The following CFAP47 variants were observed in gnomAD, a reference collection of about 807,000 sequenced individuals.
CFAP47 encodes the protein cilia- and flagella-associated protein 47.
A neutral mutation model predicts 148.1 loss-of-function variants in CFAP47; 29 were observed. The ratio of observed to expected loss-of-function variants is 0.20; its 90% CI spans 0.15 to 0.27. The LOEUF (loss-of-function observed/expected upper bound fraction) is 0.27, where lower values mean the gene tolerates loss of function less well. Ranked by LOEUF, CFAP47 falls within the 10% of genes least tolerant of loss-of-function variation. The pLI is 1.00. For synonymous variants in CFAP47, 664 were observed against 577.3 expected (o/e 1.15, Z -2.15); for missense variants, 1,872 against 1,697.5 (o/e 1.10, Z -1.81).
At chrX:36,129,213 A>C (rs770382028) in intron 33 of CFAP47, among the ~76,000 whole-genome samples, 16 of 110,831 alleles carry the variant, frequency 1.4e-4, no homozygotes, top group Non-Finnish European at 2.1e-4. Context: ...GCTTTATCTA[A>C]ATTTTTATAA....
intron 51 of CFAP47, among the ~76,000 whole-genome samples, chrX:36,288,519 T>C (rs1192843654): frequency 8.9e-6 from 1 of 112,376 alleles, no homozygotes; most frequent in Non-Finnish European, 1.9e-5. Context: ...ATTTACATTT[T>C]AAACAGCCAT....
intron 39 of CFAP47, among the ~76,000 whole-genome samples, chrX:36,175,034 G>T (rs868129742): frequency 1.6e-3 from 171 of 110,136 alleles, no homozygotes; most frequent in South Asian, 9.1e-3. Context: ...TTCCCTTCTC[G>T]CTTCATTTCA....
chrX:36,112,513 G>C (rs926722225), intron 33 of CFAP47, among the ~76,000 whole-genome samples: 3 of 111,435 alleles, frequency 2.7e-5, no homozygotes, highest in African/African-American at 9.8e-5. Context: ...AGCGTGTTTT[G>C]TGTCCAATTA....
intron 49 of CFAP47, among the ~76,000 whole-genome samples, chrX:36,270,007 G>C (rs1940939585): frequency 8.9e-6 from 1 of 111,913 alleles, no homozygotes; most frequent in Non-Finnish European, 1.9e-5. Flanking sequence ...TTTTAATGCT[G>C]AGTAGTATTT....
chrX:36,096,615 A>C (rs954164491), intron 30 of CFAP47, among the ~76,000 whole-genome samples: 1 of 110,357 alleles, frequency 9.1e-6, no homozygotes, highest in Non-Finnish European at 1.9e-5. Context: ...GTTTCTTCTT[A>C]TAGTTTTTGT....
chrX:36,194,757 G>A lies in CFAP47; in HGVS notation c.6321+4561G>A, dbSNP rs782686895. The stretch of plus-strand genomic sequence containing the variant: ...AGAACTCTATCATGAGACAGCACTA[G>A]AGGAATGGTTCCAAACCATTAGAAA... On this transcript the variant is annotated intron_variant, in intron 42 of 63. Transcript: ENST00000378653. Among the ~76,000 whole-genome samples the A allele has an allele frequency of 6.3e-5, 7 of 111,610 alleles. No individual in the cohort carries two copies. In the South Asian group the frequency reaches 2.6e-3, roughly 42 times the overall value.
chrX:36,068,873 T>A (rs1353925532), intron 27 of CFAP47, among the ~76,000 whole-genome samples: 3 of 107,911 alleles, frequency 2.8e-5, no homozygotes, highest in African/African-American at 1.0e-4. Flanking sequence ...GGAGAATCAC[T>A]TGAACCGAGG....
chrX:36,340,293 T>C (rs1941641686), intron 57 of CFAP47, among the ~76,000 whole-genome samples: 1 of 111,730 alleles, frequency 9.0e-6, no homozygotes, highest in Non-Finnish European at 1.9e-5. Context: ...GGAGTTAGAA[T>C]CTCTGTAAGG....
chrX:36,263,777 G>T (rs1047539277), intron 49 of CFAP47, among the ~76,000 whole-genome samples: 1 of 111,585 alleles, frequency 9.0e-6, no homozygotes, highest in Admixed American at 9.4e-5. Context: ...GGCCATGCTG[G>T]TACCTAAGGT....
chrX:35,933,073 A>G (rs1423145245), intron 2 of CFAP47, among the ~76,000 whole-genome samples: 1 of 112,304 alleles, frequency 8.9e-6, no homozygotes, highest in African/African-American at 3.2e-5. Context: ...CAAATAATTC[A>G]GTTACAGTCT....
chrX:36,161,990 C>A (rs1939437022), intron 39 of CFAP47, among the ~76,000 whole-genome samples: 1 of 111,904 alleles, frequency 8.9e-6, no homozygotes, highest in Admixed American at 9.5e-5. Context: ...AAAGTATGCC[C>A]TTAAGTAGAC....
At chrX:36,368,704 C>T (rs1270136390) in intron 62 of CFAP47, among the ~76,000 whole-genome samples, 1 of 111,314 alleles carries the variant, frequency 9.0e-6, no homozygotes, top group Non-Finnish European at 1.9e-5. Context: ...ATTTTTGTTC[C>T]TCCAAGCTTC....
intron 22 of CFAP47, among the ~76,000 whole-genome samples, chrX:36,025,390 T>G (rs1215601121): frequency 9.0e-6 from 1 of 110,717 alleles, no homozygotes; most frequent in Non-Finnish European, 1.9e-5. Flanking sequence ...TCCTAGCACT[T>G]TGGGAGGCTA....
intron 56 of CFAP47, among the ~76,000 whole-genome samples, chrX:36,312,802 C>T (rs1412148572): frequency 9.0e-6 from 1 of 111,601 alleles, no homozygotes; most frequent in Non-Finnish European, 1.9e-5. Flanking sequence ...AACTCACTTG[C>T]TCTTGGGCAA....
chrX:35,967,089 A>G (rs1936418567), intron 9 of CFAP47, among the ~76,000 whole-genome samples: 1 of 111,276 alleles, frequency 9.0e-6, no homozygotes, highest in African/African-American at 3.3e-5. Context: ...CAATGTTCCC[A>G]GTAGATGCTG....
intron 15 of CFAP47, among the ~76,000 whole-genome samples, chrX:35,980,830 C>T (rs1383014988): frequency 9.0e-6 from 1 of 110,613 alleles, no homozygotes; most frequent in Admixed American, 9.8e-5. Context: ...TAGCTTCACC[C>T]TCCTCCTATG....
chrX:36,101,530 A>G, intron 32 of CFAP47, among the ~76,000 whole-genome samples: 1 of 111,615 alleles, frequency 9.0e-6, no homozygotes, highest in Middle Eastern at 4.7e-3. Context: ...ACTCAATACA[A>G]AACACTGACA....
chrX:36,157,803 G>A (rs1939386786), intron 37 of CFAP47, among the ~76,000 whole-genome samples: 1 of 110,902 alleles, frequency 9.0e-6, no homozygotes. Context: ...ATATAGTGAT[G>A]TACTTTAGAA....
intron 51 of CFAP47, among the ~76,000 whole-genome samples, chrX:36,295,722 T>C (rs919164642): frequency 1.8e-5 from 2 of 112,115 alleles, no homozygotes; most frequent in Non-Finnish European, 3.8e-5. Context: ...ATTTTGAAGA[T>C]ATTTTGGCAG....
Sources: allele counts gnomAD v4.1 joint callset (sites outside exome capture counted in the v4.1 genomes callset), GRCh38; gene constraint gnomAD v4.1.1; transcripts MANE v1.5; gene names NCBI Gene and HGNC (gene_info 2026-07-23, HGNC 2026-07-21).